The following BABAM2 variants were observed in gnomAD, a reference collection of about 807,000 sequenced individuals.
BABAM2 encodes the protein BRISC and BRCA1 A complex member 2.
A neutral mutation model predicts 54.7 loss-of-function variants in BABAM2; 31 were observed. The ratio of observed to expected loss-of-function variants is 0.57; its 90% CI spans 0.43 to 0.77. The LOEUF (loss-of-function observed/expected upper bound fraction) is 0.77, where lower values mean the gene tolerates loss of function less well. BABAM2 is among the 30% of genes least tolerant of loss of function. The pLI is 0.00. For missense variants in BABAM2, 364 were observed against 455.8 expected (o/e 0.80, Z 1.83); for synonymous variants, 167 against 162.9 (o/e 1.03, Z -0.19).
intron 10 of BABAM2, among the ~76,000 whole-genome samples, chr2:28,258,787 T>G (rs1350975431): frequency 6.6e-6 from 1 of 151,884 alleles, no homozygotes; most frequent in Admixed American, 6.6e-5. Flanking sequence ...TAATTTTTTT[T>G]TCTTTTTGAG....
intron 3 of BABAM2, among the ~76,000 whole-genome samples, chr2:27,953,469 C>A (rs1411653742): frequency 6.6e-6 from 1 of 151,964 alleles, no homozygotes; most frequent in East Asian, 1.9e-4. Flanking sequence ...AGGCATGAAC[C>A]ACCGTAGTGA....
intron 2 of BABAM2, among the ~76,000 whole-genome samples, chr2:27,929,563 C>T (rs1667948540): frequency 6.6e-6 from 1 of 152,208 alleles, no homozygotes; most frequent in South Asian, 2.1e-4. Context: ...AGATATGCCT[C>T]TTTGAGAAAA....
intron 10 of BABAM2, among the ~76,000 whole-genome samples, chr2:28,248,207 C>CTTTTTTTTTTT (rs780563394): frequency 3.7e-4 from 20 of 54,308 alleles, no homozygotes; most frequent in Non-Finnish European, 5.2e-4. Context: ...TTTTCTTTTT[C>CTTTTTTTTTTT]TTTTTTTTTT....
chr2:28,082,100 A>G (rs1665223516), intron 6 of BABAM2, among the ~76,000 whole-genome samples: 1 of 139,018 alleles, frequency 7.2e-6, no homozygotes, highest in African/African-American at 2.6e-5. Context: ...ACAGTGGCAT[A>G]TTGCTATGGG....
chr2:28,189,689 C>G (rs1275019966), intron 7 of BABAM2, among the ~76,000 whole-genome samples: 1 of 151,824 alleles, frequency 6.6e-6, no homozygotes, highest in African/African-American at 2.4e-5. Context: ...ATTAAGATGT[C>G]AATTCTTCCC....
chr2:27,952,457 T>C (rs890351894), intron 3 of BABAM2, among the ~76,000 whole-genome samples: 3 of 152,144 alleles, frequency 2.0e-5, no homozygotes, highest in African/African-American at 7.2e-5. Flanking sequence ...TTTTTCAGAG[T>C]TGGTAAAGCA....
At chr2:28,132,763 A>T (rs1164513644) in intron 7 of BABAM2, among the ~76,000 whole-genome samples, 1 of 152,134 alleles carries the variant, frequency 6.6e-6, no homozygotes, top group Non-Finnish European at 1.5e-5. Flanking sequence ...TAATCTTATA[A>T]TCTATATTTA....
At chr2:28,177,264 G>GA (rs566586746) in intron 7 of BABAM2, among the ~76,000 whole-genome samples, 1,822 of 139,488 alleles carry the variant, frequency 0.013, 28 homozygotes, top group African/African-American at 0.041. Flanking sequence ...AGTACTGAAA[G>GA]AAAAAAAAAA....
chr2:28,049,514 A>G (rs1677845773), intron 6 of BABAM2, among the ~76,000 whole-genome samples: 2 of 152,224 alleles, frequency 1.3e-5, no homozygotes, highest in Non-Finnish European at 2.9e-5. Context: ...ATTTAATATC[A>G]CACACTGAGC....
intron 7 of BABAM2, among the ~76,000 whole-genome samples, chr2:28,188,374 G>A (rs1331682054): frequency 6.6e-6 from 1 of 152,162 alleles, no homozygotes; most frequent in East Asian, 1.9e-4. Context: ...GTTTGGGAGG[G>A]AACCCTACAT....
intron 7 of BABAM2, 120 bp downstream of exon 7, chr2:28,129,500 TA>T: frequency 2.2e-6 from 2 of 920,130 alleles, no homozygotes; most frequent in Admixed American, 2.4e-5. Context: ...TTTGTTTTCT[TA>T]AAAAATTCAT....
At chr2:28,051,574 A>G (rs1393050762) in intron 6 of BABAM2, among the ~76,000 whole-genome samples, 1 of 152,154 alleles carries the variant, frequency 6.6e-6, no homozygotes. Flanking sequence ...AGAAACCTGA[A>G]TTTGGAGAAT....
intron 10 of BABAM2, among the ~76,000 whole-genome samples, chr2:28,283,007 A>AC (rs1254343940): frequency 1.3e-5 from 2 of 150,938 alleles, no homozygotes; most frequent in Non-Finnish European, 2.9e-5. Context: ...CAAAAAAAAA[A>AC]AAAAAAAAAA....
intron 3 of BABAM2, among the ~76,000 whole-genome samples, chr2:27,962,777 A>G (rs1043013771): frequency 1.3e-5 from 2 of 152,200 alleles, no homozygotes; most frequent in African/African-American, 2.4e-5. Context: ...AAAGAACTGC[A>G]TATGTTTTTA....
At chr2:28,114,959 A>C (rs959092294) in intron 6 of BABAM2, among the ~76,000 whole-genome samples, 1 of 152,220 alleles carries the variant, frequency 6.6e-6, no homozygotes, top group Non-Finnish European at 1.5e-5. Flanking sequence ...ATTTACTGGC[A>C]AATATATGTA....
Position 28,195,858 on chromosome 2 carries a change from A to G in BABAM2, c.681-41344A>G, listed in dbSNP as rs117881417. Among the ~76,000 whole-genome samples the G allele has an allele frequency of 1.3e-4, 20 of 152,352 alleles. No individual in the cohort carries two copies. In the East Asian group the frequency reaches 3.3e-3, roughly 25 times the overall value. On this transcript the variant is annotated intron_variant, in intron 7 of 11. Transcript: ENST00000379624. ...AGTTTTGAGCAAGCCTAATGCACAT[A>G]TAAAATATTAGTTCAAACAAACCAA...
At chr2:28,193,726 C>T (rs556339866) in intron 7 of BABAM2, among the ~76,000 whole-genome samples, 1 of 152,338 alleles carries the variant, frequency 6.6e-6, no homozygotes, top group Non-Finnish European at 1.5e-5. Context: ...GTCACTAAAA[C>T]TGATCACACT....
At chr2:28,003,461 C>T (rs72812556) in intron 4 of BABAM2, among the ~76,000 whole-genome samples, 340 of 152,160 alleles carry the variant, frequency 2.2e-3, no homozygotes, top group Middle Eastern at 3.4e-3. Context: ...CATGGTGGTG[C>T]GCACCTGTAA....
Position 27,894,517 on chromosome 2 carries a change from T to C in BABAM2, c.-24-16T>C, listed in dbSNP as rs1344880670. ...ATTTGTAAGCCCTGATCATTATTCTTTCCTTCTGCTTTCAGTGGTGATTTA... is the reference window on the plus strand; with the variant it reads ...ATTTGTAAGCCCTGATCATTATTCTCTCCTTCTGCTTTCAGTGGTGATTTA... On this transcript the variant is annotated splice_polypyrimidine_tract_variant and intron_variant, in intron 1 of 11. Transcript: ENST00000379624. 3 of 1,611,260 alleles carry C rather than the reference T, an allele frequency of 1.9e-6. No individual in the cohort carries two copies. Among genetic ancestry groups the C allele is most frequent in the African/African-American group, 2.7e-5 (2 of 75,004 alleles).
Sources: allele counts gnomAD v4.1 joint callset (sites outside exome capture counted in the v4.1 genomes callset), GRCh38; gene constraint gnomAD v4.1.1; transcripts MANE v1.5; gene names NCBI Gene and HGNC (gene_info 2026-07-23, HGNC 2026-07-21).